CAPRIN1: variants seen among roughly 807,000 people sequenced by gnomAD.
CAPRIN1 encodes the protein cell cycle associated protein 1.
In CAPRIN1, 29 loss-of-function variants were observed where a neutral mutation model predicts 100.9. That is an observed-to-expected ratio of 0.29 (90% CI 0.21 to 0.39). CAPRIN1 has a LOEUF of 0.39. CAPRIN1 is among the 10% of genes least tolerant of loss of function. CAPRIN1 has a pLI of 1.00. For synonymous variants in CAPRIN1, 338 were observed against 307.5 expected (o/e 1.10, Z -1.04); for missense variants, 795 against 876.7 (o/e 0.91, Z 1.18).
chr11:34,076,150 A>T, intron 4 of CAPRIN1, 86 bp from the exon 5 acceptor site: 1 of 874,062 alleles, frequency 1.1e-6, no homozygotes, highest in East Asian at 2.5e-5. Context: ...TGAGTAAAAC[A>T]TGTTTTATTT....
rs1290323651 is a variant in CAPRIN1 at position 34,100,608 on chromosome 11, TCTAGTA to T, written c.*1244_*1249del. 6.6e-6 allele frequency: 1 copy of T among 152,228 alleles called. No individual in the cohort carries two copies. The highest frequency in any genetic ancestry group is 1.5e-5 in the Non-Finnish European group (1 of 68,026). 9.4% of individuals were successfully genotyped at this position (152,228 alleles called of 1,614,324 possible). A position where few individuals can be genotyped will look rare whatever the true frequency, so the allele number is the denominator to read the frequency against. On this transcript the variant is annotated 3_prime_UTR_variant, in exon 19 of 19. Coordinates refer to ENST00000341394, the MANE Select transcript of CAPRIN1 (RefSeq NM_005898.5). The stretch of plus-strand genomic sequence containing the variant: ...TATGGTTTATCTCCAGCAACATTTC[TCTAGTA>T]CTTGCACTTATTATCTTTTGTCTAA...
chr11:34,097,432 AG>A, intron 17 of CAPRIN1, 136 bp downstream of exon 17: 1 of 774,794 alleles, frequency 1.3e-6, no homozygotes, highest in Non-Finnish European at 2.1e-6. Context: ...TTGAAACAAA[AG>A]CTTTTAGCAC....
chr11:34,084,413 A>G (rs1851096989), intron 9 of CAPRIN1, among the ~76,000 whole-genome samples: 1 of 152,232 alleles, frequency 6.6e-6, no homozygotes, highest in Admixed American at 6.5e-5. Context: ...TTGCTGAATT[A>G]AAGAATGCAG....
rs1851453907 is a variant in CAPRIN1 at position 34,101,518 on chromosome 11, A to G, written c.*2151A>G. Among the ~76,000 whole-genome samples the G allele has an allele frequency of 6.6e-6, 1 of 152,236 alleles. No homozygotes were observed. The highest frequency in any genetic ancestry group is 1.9e-4 in the East Asian group (1 of 5,206). ...TCTAGGTTTTGAACTTCTATGCATTAGTGCAGATGTTGTGAATGTGTAAAG... is the reference window on the plus strand; with the variant it reads ...TCTAGGTTTTGAACTTCTATGCATTGGTGCAGATGTTGTGAATGTGTAAAG... On this transcript the variant is annotated 3_prime_UTR_variant, in exon 19 of 19. Transcript: ENST00000341394.
chr11:34,077,115 G>T (rs2134111649), intron 6 of CAPRIN1, among the ~76,000 whole-genome samples: 1 of 152,270 alleles, frequency 6.6e-6, no homozygotes, highest in African/African-American at 2.4e-5. Flanking sequence ...TTACTGTTTG[G>T]TTTATTTCTT....
At chr11:34,052,918 G>T in intron 2 of CAPRIN1, 1 of 1,291,530 alleles carries the variant, frequency 7.7e-7, no homozygotes, top group South Asian at 1.7e-5. Flanking sequence ...TGGCCTTTAG[G>T]AGTGGGACAT....
chr11:34,097,830 A>G, intron 18 of CAPRIN1, 69 bp downstream of exon 18: 1 of 1,612,508 alleles, frequency 6.2e-7, no homozygotes, highest in Non-Finnish European at 8.5e-7. Flanking sequence ...AGAGCTGTTA[A>G]TAGTCTGCAT....
chr11:34,089,959 A>C (rs1406443446), intron 12 of CAPRIN1: 7 of 314,142 alleles, frequency 2.2e-5, no homozygotes, highest in Non-Finnish European at 3.5e-5. Flanking sequence ...TTTTATAACG[A>C]GACTTGGGTT....
At chr11:34,096,951 G>A (rs942479688) in intron 16 of CAPRIN1, among the ~76,000 whole-genome samples, 4 of 152,130 alleles carry the variant, frequency 2.6e-5, no homozygotes, top group African/African-American at 9.7e-5. Context: ...AACTTACGGG[G>A]ATTGTTTATT....
chr11:34,096,397 A>G (rs1565098854), intron 15 of CAPRIN1, 82 bp from the exon 16 acceptor site: 1 of 969,050 alleles, frequency 1.0e-6, no homozygotes, highest in East Asian at 2.5e-5. Flanking sequence ...TGTATAAGAC[A>G]CTTCTTAAAC....
At chr11:34,096,448 T>C in intron 15 of CAPRIN1, 31 bp from the exon 16 acceptor site, 1 of 1,540,424 alleles carries the variant, frequency 6.5e-7, no homozygotes, top group Non-Finnish European at 9.0e-7. Context: ...GAGCTGTTTA[T>C]GTATATATCT....
At chr11:34,071,587 A>T in intron 2 of CAPRIN1, 139 bp from the exon 3 acceptor site, 2 of 634,594 alleles carry the variant, frequency 3.2e-6, no homozygotes, top group Non-Finnish European at 5.4e-6. Flanking sequence ...TTATGTACTT[A>T]AACTGGAATA....
At chr11:34,060,660 G>T (rs555790100) in intron 2 of CAPRIN1, among the ~76,000 whole-genome samples, 129 of 152,338 alleles carry the variant, frequency 8.5e-4, no homozygotes, top group Non-Finnish European at 1.6e-3. Context: ...TTAAAAGGAC[G>T]ACGGTAGAAA....
intron 16 of CAPRIN1, 150 bp from the exon 17 acceptor site, chr11:34,097,046 A>G (rs1191258267): frequency 4.7e-6 from 3 of 640,502 alleles, no homozygotes; most frequent in African/African-American, 3.7e-5. Flanking sequence ...AGAAATTTAT[A>G]AACAGATTGG....
intron 2 of CAPRIN1, among the ~76,000 whole-genome samples, chr11:34,059,291 C>CG (rs1850524182): frequency 7.0e-6 from 1 of 142,752 alleles, no homozygotes; most frequent in Non-Finnish European, 1.5e-5. Context: ...TTTTTTGAGA[C>CG]GGAGTCTTGC....
chr11:34,076,355 T>C lies in CAPRIN1; in HGVS notation c.486T>C (p.Asp162=). 12 of 1,614,218 alleles carry C rather than the reference T, an allele frequency of 7.4e-6. No individual in the cohort carries two copies. The highest frequency in any genetic ancestry group is 1.0e-5 in the Non-Finnish European group (12 of 1,180,030). ...ATGTTTTGGACAAATTGGGAGATGA[T>C]GAAGTGCGGACTGACCTGAAACAAG... ...LQYVLDKLGD[D]EVRTDLKQGL... The change falls in exon 5 of 19, where the codon GAT becomes GAC. Residue 162 remains aspartate (D), a synonymous_variant. Coordinates refer to ENST00000341394, the MANE Select transcript of CAPRIN1 (RefSeq NM_005898.5).
chr11:34,076,470 T>G lies in CAPRIN1; in HGVS notation c.601T>G (p.Leu201Val), dbSNP rs1221534719. The change falls in exon 5 of 19, where the codon TTG (leucine) becomes GTG (valine). Residue 201 changes from leucine to valine, a missense_variant. Coordinates refer to ENST00000341394, the MANE Select transcript of CAPRIN1 (RefSeq NM_005898.5). ...KLVDPERDMS[L>V]RLNEQYEHAS... ...AGTAGACCCTGAACGGGACATGAGCTTGAGGTATTAGTGGTATTTGATAAT... is the reference window on the plus strand; with the variant it reads ...AGTAGACCCTGAACGGGACATGAGCGTGAGGTATTAGTGGTATTTGATAAT... The G allele has an allele frequency of 6.2e-7, 1 of 1,612,928 alleles. No homozygotes were observed. Among genetic ancestry groups the G allele is most frequent in the Non-Finnish European group, 8.5e-7 (1 of 1,179,010 alleles).
chr11:34,052,975 C>A, intron 2 of CAPRIN1: 4 of 1,081,530 alleles, frequency 3.7e-6, no homozygotes, highest in Non-Finnish European at 4.5e-6. Context: ...TGGTGCCCTT[C>A]TTTCCGTCTC....
intron 2 of CAPRIN1, among the ~76,000 whole-genome samples, chr11:34,054,987 G>A (rs74957817): frequency 0.015 from 2,214 of 152,034 alleles, 70 homozygotes; most frequent in African/African-American, 0.049. Context: ...AGCCAATTTA[G>A]TTGTGAGGTG....
Sources: allele counts gnomAD v4.1 joint callset (sites outside exome capture counted in the v4.1 genomes callset), GRCh38; gene constraint gnomAD v4.1.1; transcripts MANE v1.5; gene names NCBI Gene and HGNC (gene_info 2026-07-23, HGNC 2026-07-21).